The following TOPBP1 variants were observed in gnomAD, a reference collection of about 807,000 sequenced individuals.
TOPBP1 encodes DNA topoisomerase II binding protein 1.
Under a neutral mutation model 167.7 loss-of-function variants are expected in TOPBP1, and 28 were observed. That is an observed-to-expected ratio of 0.17 (90% confidence interval 0.12 to 0.23). The LOEUF is 0.23. TOPBP1 is among the 10% of genes least tolerant of loss of function. TOPBP1 has a pLI of 1.00. For synonymous variants in TOPBP1, 598 were observed against 611.4 expected (o/e 0.98, Z 0.32); for missense variants, 1,554 against 1,809.6 (o/e 0.86, Z 2.56).
At position 133,604,992 on chromosome 3, in the gene TOPBP1, C is replaced by T. The variant is rs1396872748; in HGVS notation, c.4425+3543G>A. Among the ~76,000 whole-genome samples, 5 of 151,606 alleles carry T rather than the reference C, an allele frequency of 3.3e-5. 1 individual carries two copies. The highest frequency in any genetic ancestry group is 9.7e-5 in the African/African-American group (4 of 41,308). On this transcript the variant is annotated intron_variant, in intron 27 of 27. Transcript: ENST00000260810. The stretch of plus-strand genomic sequence containing the variant: ...CTATAATCCTAGGACTTTGGGAAGC[C>T]GTGGGGATCACTTAAGCCCAGCATG...
intron 10 of TOPBP1, among the ~76,000 whole-genome samples, chr3:133,647,307 C>T (rs1002162566): frequency 1.3e-4 from 20 of 152,262 alleles, no homozygotes; most frequent in South Asian, 4.1e-4. Flanking sequence ...CCAGCCAATA[C>T]ACCAACTTAA....
At chr3:133,617,401 CT>C in intron 21 of TOPBP1, 75 bp from the exon 22 acceptor site, 1 of 1,403,656 alleles carries the variant, frequency 7.1e-7, no homozygotes, top group Non-Finnish European at 9.3e-7. Flanking sequence ...ATATTCTCAT[CT>C]GTCTTAGTCA....
intron 27 of TOPBP1, among the ~76,000 whole-genome samples, chr3:133,607,983 T>C (rs1292916644): frequency 2.6e-5 from 4 of 152,218 alleles, no homozygotes; most frequent in Admixed American, 6.5e-5. Context: ...ATTATGATTA[T>C]GAAATCTAAT....
chr3:133,627,149 T>C (rs1935295884), intron 16 of TOPBP1, among the ~76,000 whole-genome samples: 1 of 152,238 alleles, frequency 6.6e-6, no homozygotes, highest in Non-Finnish European at 1.5e-5. Flanking sequence ...TAAACTTTAA[T>C]GCAATGCAAT....
At chr3:133,660,119 G>A (rs1367171936) in intron 2 of TOPBP1, among the ~76,000 whole-genome samples, 2 of 152,100 alleles carry the variant, frequency 1.3e-5, no homozygotes, top group African/African-American at 4.8e-5. Flanking sequence ...GCTGTATAAG[G>A]TTGCTCTCTC....
At chr3:133,645,361 C>A (rs1936038587) in intron 10 of TOPBP1, among the ~76,000 whole-genome samples, 1 of 151,838 alleles carries the variant, frequency 6.6e-6, no homozygotes, top group Admixed American at 6.6e-5. Context: ...TCTCTTTGAC[C>A]CTTGGTTTCA....
chr3:133,649,014 T>C (rs12634591), intron 10 of TOPBP1, among the ~76,000 whole-genome samples: 21,495 of 152,020 alleles, frequency 0.14, 1,825 homozygotes, highest in East Asian at 0.38. Context: ...ATGATAAGAG[T>C]ACATACTGAG....
At chr3:133,635,770 C>G (rs1306675580) in intron 14 of TOPBP1, among the ~76,000 whole-genome samples, 3 of 152,162 alleles carry the variant, frequency 2.0e-5, no homozygotes, top group Non-Finnish European at 4.4e-5. Context: ...AACAATTTCA[C>G]TTCCAGGTAT....
chr3:133,601,490 T>C, intron 27 of TOPBP1, 97 bp from the exon 28 acceptor site: 1 of 989,124 alleles, frequency 1.0e-6, no homozygotes, highest in Admixed American at 3.5e-5. Flanking sequence ...CTCTCAGGGA[T>C]GAATCTGACA....
At chr3:133,647,511 T>C (rs1466088627) in intron 10 of TOPBP1, among the ~76,000 whole-genome samples, 1 of 152,118 alleles carries the variant, frequency 6.6e-6, no homozygotes, top group Non-Finnish European at 1.5e-5. Flanking sequence ...CACAGATGTT[T>C]TGATAGGTTT....
At chr3:133,606,748 T>C (rs1398833408) in intron 27 of TOPBP1, among the ~76,000 whole-genome samples, 3 of 152,072 alleles carry the variant, frequency 2.0e-5, no homozygotes, top group African/African-American at 7.2e-5. Context: ...ATGCCAAAGC[T>C]TTTGTGGGAA....
intron 12 of TOPBP1, 87 bp downstream of exon 12, chr3:133,643,113 C>A: frequency 7.5e-7 from 1 of 1,333,676 alleles, no homozygotes. Flanking sequence ...AGACACCCAA[C>A]CAAATTCTAA....
rs1042860875 is a variant in TOPBP1 at position 133,638,043 on chromosome 3, G to T, written c.2353C>A (p.Arg785Ser). The change falls in exon 14 of 28, where the codon CGC becomes AGC. Residue 785 changes from arginine (R) to serine (S), a missense_variant. Around this residue, in one of 3 missense-constraint regions of TOPBP1, gnomAD observed 1,197 missense variants for 1,351.5 expected, o/e 0.89. Transcript: ENST00000260810. Reference sequence around the variant, plus strand: ...GCACGGAAAGCTTTACTCTGAAAGCGGTTCATATCTAAAGGTGTAACGACG... The same window carrying T: ...GCACGGAAAGCTTTACTCTGAAAGCTGTTCATATCTAAAGGTGTAACGACG... ...KTVVTPLDMN[R>S]FQSKAFRAVV... 6.2e-7 allele frequency: 1 copy of T among 1,613,860 alleles called. No individual in the cohort carries two copies. The highest frequency in any genetic ancestry group is 8.5e-7 in the Non-Finnish European group (1 of 1,179,884).
rs756466657 is a variant in TOPBP1, at chr3:133,615,636, CAGTT to C, written c.3871+1174_3871+1177del. ...CTGTGGCTATCAAACACCTGAAGCA[CAGTT>C]AGTCCAAATTGAGATGTGCTGTAAG... On this transcript the variant is annotated intron_variant, in intron 23 of 27. Coordinates refer to ENST00000260810, the MANE Select transcript of TOPBP1 (RefSeq NM_007027.4). Among the ~76,000 whole-genome samples the C allele has an allele frequency of 1.0e-3, 159 of 152,214 alleles. 4 individuals carry two copies. In the Middle Eastern group the frequency reaches 0.027, roughly 26 times the overall value.
At chr3:133,604,573 A>T (rs1934427421) in intron 27 of TOPBP1, among the ~76,000 whole-genome samples, 1 of 151,914 alleles carries the variant, frequency 6.6e-6, no homozygotes, top group African/African-American at 2.4e-5. Flanking sequence ...GAAACAGAAA[A>T]TAGGAAAAGC....
At chr3:133,643,167 C>G (rs774251173) in intron 12 of TOPBP1, 33 bp downstream of exon 12, 1 of 1,507,710 alleles carries the variant, frequency 6.6e-7, no homozygotes, top group East Asian at 2.4e-5. Flanking sequence ...AAAGATACAC[C>G]AATACAACAG....
chr3:133,615,033 G>C (rs1264342872), intron 23 of TOPBP1, among the ~76,000 whole-genome samples: 1 of 149,052 alleles, frequency 6.7e-6, no homozygotes, highest in Non-Finnish European at 1.5e-5. Context: ...GCAAAAAAAA[G>C]AGAAAGTTTT....
chr3:133,608,423 G>A (rs1368133823), intron 27 of TOPBP1, 112 bp downstream of exon 27: 3 of 1,181,024 alleles, frequency 2.5e-6, no homozygotes, highest in East Asian at 4.7e-5. Flanking sequence ...GAGAATAACA[G>A]GAGACTAATC....
At chr3:133,631,990 C>T (rs1935501312) in intron 14 of TOPBP1, among the ~76,000 whole-genome samples, 1 of 152,106 alleles carries the variant, frequency 6.6e-6, no homozygotes, top group African/African-American at 2.4e-5. Context: ...TCTTTTCCTC[C>T]TTCTCCAGCC....
Sources: gnomAD v4.1 joint callset for allele counts (sites outside exome capture counted in the v4.1 genomes callset) on GRCh38, gnomAD v4.1.1 for gene constraint, gnomAD v4.1.1 regional missense constraint, MANE v1.5 for transcripts, NCBI Gene and HGNC (gene_info 2026-07-23, HGNC 2026-07-21) for gene names.